CMIP: variants seen among roughly 807,000 people sequenced by gnomAD.
The protein encoded by CMIP is c-Maf inducing protein.
Under a neutral mutation model 97.3 loss-of-function variants are expected in CMIP, and 13 were observed. The ratio of observed to expected loss-of-function variants is 0.13; its 90% confidence interval spans 0.09 to 0.21. CMIP has a LOEUF of 0.21. Ranked by LOEUF, CMIP falls within the 10% of genes least tolerant of loss-of-function variation. The pLI, the probability that CMIP is intolerant of heterozygous loss-of-function variation, is 1.00. For missense variants in CMIP, 847 were observed against 1,024.9 expected, an observed-to-expected ratio of 0.83 and a Z score of 2.37; for synonymous variants, 538 against 436.3, an observed-to-expected ratio of 1.23 and a Z score of -2.91.
chr16:81,695,522 T>G (rs1906611793), intron 13 of CMIP: 1 of 152,180 alleles, frequency 6.6e-6, no homozygotes, highest in African/African-American at 2.4e-5. Context: ...CTAAAGGAAA[T>G]GATGAGGAAC....
At chr16:81,552,579 G>A (rs1169363655) in intron 1 of CMIP, among the ~76,000 whole-genome samples, 1 of 152,154 alleles carries the variant, frequency 6.6e-6, no homozygotes, top group Non-Finnish European at 1.5e-5. Flanking sequence ...CCATCTCCCA[G>A]CCTCTCTCTG....
At position 81,678,263 on chromosome 16, in the gene CMIP, C is replaced by G. The variant is rs1391022180; in HGVS notation, c.1035-12C>G. 1.9e-6 allele frequency: 3 copies of G among 1,572,516 alleles called. No homozygotes were observed. The highest frequency in any genetic ancestry group is 1.3e-5 in the African/African-American group (1 of 74,374). On this transcript the variant is annotated splice_polypyrimidine_tract_variant and intron_variant, in intron 9 of 20. Transcript: ENST00000537098. Reference sequence around the variant, plus strand: ...CCTGTACTCATGTGCCCTCTCCCGCCTCTTCCCCCAGCCGCGACAATTCCC... The same window carrying G: ...CCTGTACTCATGTGCCCTCTCCCGCGTCTTCCCCCAGCCGCGACAATTCCC...
chr16:81,488,279 C>T (rs1439571828), intron 1 of CMIP, among the ~76,000 whole-genome samples: 1 of 152,120 alleles, frequency 6.6e-6, no homozygotes, highest in Non-Finnish European at 1.5e-5. Context: ...GTTTTAAATT[C>T]CTCTTCCTCC....
At chr16:81,518,632 C>T (rs936942383) in intron 1 of CMIP, 7 of 152,318 alleles carry the variant, frequency 4.6e-5, no homozygotes, top group African/African-American at 1.7e-4. Flanking sequence ...TCCTACCGTT[C>T]CCACTAGCCA....
intron 1 of CMIP, among the ~76,000 whole-genome samples, chr16:81,501,354 T>G (rs2089608184): frequency 6.6e-6 from 1 of 152,246 alleles, no homozygotes; most frequent in African/African-American, 2.4e-5. Context: ...CCACACAGCC[T>G]CAGGGGACCT....
intron 1 of CMIP, among the ~76,000 whole-genome samples, chr16:81,555,822 G>C (rs1285354423): frequency 2.0e-5 from 3 of 152,146 alleles, no homozygotes; most frequent in South Asian, 2.1e-4. Flanking sequence ...GCCCTGGTTG[G>C]GGGAGACTGA....
At chr16:81,589,542 C>T (rs1244880274) in intron 1 of CMIP, among the ~76,000 whole-genome samples, 1 of 151,828 alleles carries the variant, frequency 6.6e-6, no homozygotes, top group Admixed American at 6.6e-5. Context: ...AGGTCTCGCA[C>T]CCCATGGCAG....
intron 14 of CMIP, among the ~76,000 whole-genome samples, chr16:81,698,318 GC>G (rs576883844): frequency 7.9e-5 from 12 of 152,318 alleles, no homozygotes; most frequent in Admixed American, 2.6e-4. Context: ...CTGCCCTTGG[GC>G]CCCCATCGCC....
chr16:81,597,367 G>A (rs1406305778), intron 1 of CMIP, among the ~76,000 whole-genome samples: 1 of 152,166 alleles, frequency 6.6e-6, no homozygotes, highest in East Asian at 1.9e-4. Flanking sequence ...TAACTTACTA[G>A]TTGCCTGTAG....
chr16:81,447,071 T>C (rs1425345262), intron 1 of CMIP, among the ~76,000 whole-genome samples: 1 of 152,158 alleles, frequency 6.6e-6, no homozygotes, highest in African/African-American at 2.4e-5. Flanking sequence ...CCGCAGCATT[T>C]GGCTTTCCAA....
At chr16:81,660,761 G>A in intron 5 of CMIP, 123 bp from the exon 6 acceptor site, 6 of 974,496 alleles carry the variant, frequency 6.2e-6, no homozygotes, top group Non-Finnish European at 9.8e-6. Context: ...TATGAATGAT[G>A]TGATGCAGGA....
intron 1 of CMIP, among the ~76,000 whole-genome samples, chr16:81,563,355 G>T (rs1370423123): frequency 2.0e-5 from 3 of 152,214 alleles, no homozygotes; most frequent in Non-Finnish European, 4.4e-5. Flanking sequence ...CTGTTTTGTG[G>T]ACTCCAGGCA....
chr16:81,490,643 A>G (rs760548896), intron 1 of CMIP, among the ~76,000 whole-genome samples: 81 of 152,162 alleles, frequency 5.3e-4, no homozygotes, highest in African/African-American at 1.8e-3. Context: ...AATGCCTAGC[A>G]TGGCGGGGGA....
chr16:81,521,350 T>C (rs1461619383), intron 1 of CMIP, among the ~76,000 whole-genome samples: 1 of 146,780 alleles, frequency 6.8e-6, no homozygotes, highest in Non-Finnish European at 1.5e-5. Flanking sequence ...GCAGAGGTTT[T>C]AGTTATCTGG....
At chr16:81,525,535 A>G (rs1300376825) in intron 1 of CMIP, among the ~76,000 whole-genome samples, 2 of 152,148 alleles carry the variant, frequency 1.3e-5, no homozygotes, top group East Asian at 3.8e-4. Context: ...ATTTTTTTTA[A>G]GAGACAGAGT....
At chr16:81,466,435 G>A (rs1907211709) in intron 1 of CMIP, among the ~76,000 whole-genome samples, 1 of 152,194 alleles carries the variant, frequency 6.6e-6, no homozygotes, top group Non-Finnish European at 1.5e-5. Flanking sequence ...TGCAGTTGCT[G>A]TGTTTGAATC....
chr16:81,468,851 G>A (rs1392837224), intron 1 of CMIP, among the ~76,000 whole-genome samples: 2 of 152,218 alleles, frequency 1.3e-5, no homozygotes, highest in Non-Finnish European at 2.9e-5. Flanking sequence ...GTGAGGCCTG[G>A]CACACGCTCC....
intron 1 of CMIP, among the ~76,000 whole-genome samples, chr16:81,525,777 C>A (rs1025158520): frequency 3.3e-5 from 5 of 152,226 alleles, no homozygotes; most frequent in African/African-American, 1.2e-4. Context: ...CCACATTCTG[C>A]CTACTCCCGA....
chr16:81,663,546 A>G (rs978086060), intron 6 of CMIP, among the ~76,000 whole-genome samples: 3 of 152,186 alleles, frequency 2.0e-5, no homozygotes, highest in Non-Finnish European at 4.4e-5. Context: ...ATGATATTAC[A>G]TTGGTGGCTC....
Sources: gnomAD v4.1 joint callset for allele counts (sites outside exome capture counted in the v4.1 genomes callset) on GRCh38, gnomAD v4.1.1 for gene constraint, MANE v1.5 for transcripts, NCBI Gene and HGNC (gene_info 2026-07-23, HGNC 2026-07-21) for gene names.